Variants in WASL observed in about 807,000 individuals in gnomAD.
WASL encodes actin nucleation-promoting factor WASL.
WASL carries 20 observed loss-of-function variants against 55.5 expected under a neutral mutation model. The observed-to-expected ratio is 0.36, with a 90% CI of 0.25 to 0.52. WASL has a LOEUF of 0.52. Ranked by LOEUF, WASL falls within the 20% of genes least tolerant of loss-of-function variation. WASL has a pLI of 0.92. For synonymous variants in WASL, 249 were observed against 217.6 expected, an observed-to-expected ratio of 1.14 and a Z score of -1.27; for missense variants, 504 against 622.5, an observed-to-expected ratio of 0.81 and a Z score of 2.03.
chr7:123,730,656 A>G (rs13224762), intron 1 of WASL, among the ~76,000 whole-genome samples: 65,858 of 152,024 alleles, frequency 0.43, 14,807 homozygotes, highest in South Asian at 0.66. Flanking sequence ...AAGGACAACA[A>G]AAACAGTTAC....
chr7:123,703,317 T>C (rs1002781076), intron 5 of WASL, among the ~76,000 whole-genome samples: 1 of 152,182 alleles, frequency 6.6e-6, no homozygotes, highest in Admixed American at 6.5e-5. Context: ...CTATCTGTGC[T>C]TCGGTTTCCT....
rs577751048 is a variant in WASL at position 123,721,872 on chromosome 7, T to C, written c.118-12649A>G. On this transcript the variant is annotated intron_variant, in intron 1 of 10. Coordinates refer to ENST00000223023, the MANE Select transcript of WASL (RefSeq NM_003941.4). ...AGACAGAGGCTGCAGTGAGCTGCGA[T>C]TGAGATTTAATAAATGTTCTCTATT... 1.0e-4 allele frequency among the ~76,000 whole-genome samples: 13 copies of C among 125,712 alleles called. No individual in the cohort carries two copies. In the South Asian group the frequency reaches 1.1e-3, roughly 10 times the overall value. The allele number at this position is 125,712 out of a possible 152,430, so 82.5% of individuals were successfully genotyped here. A position where few individuals can be genotyped will look rare whatever the true frequency, so the allele number is the denominator to read the frequency against.
At chr7:123,711,665 C>T (rs1175410246) in intron 1 of WASL, among the ~76,000 whole-genome samples, 1 of 151,942 alleles carries the variant, frequency 6.6e-6, no homozygotes, top group Non-Finnish European at 1.5e-5. Context: ...GTCACTAATC[C>T]CCACACTCTA....
intron 1 of WASL, among the ~76,000 whole-genome samples, chr7:123,731,189 T>C (rs1804130635): frequency 6.6e-6 from 1 of 152,078 alleles, no homozygotes; most frequent in Non-Finnish European, 1.5e-5. Context: ...TACATATATA[T>C]ATGCACACAT....
Position 123,696,443 on chromosome 7 carries a change from T to C in WASL, c.629+136A>G, listed in dbSNP as rs180864443. 371 of 642,652 alleles carry C rather than the reference T, an allele frequency of 5.8e-4. No homozygotes were observed. In the African/African-American group the frequency reaches 6.6e-3, roughly 11 times the overall value. 39.8% of individuals were successfully genotyped at this position (642,652 alleles called of 1,614,324 possible). ...AAAAAAAAAACTCCAATAAAGTACA[T>C]AGTTAAAACGGTATCCAAGTGATGA... On this transcript the variant is annotated intron_variant, in intron 6 of 10. Transcript: ENST00000223023.
chr7:123,721,170 A>T (rs779056750), intron 1 of WASL, among the ~76,000 whole-genome samples: 1 of 152,218 alleles, frequency 6.6e-6, no homozygotes, highest in South Asian at 2.1e-4. Context: ...ACTCTTAAAC[A>T]TGATTAATAA....
intron 1 of WASL, among the ~76,000 whole-genome samples, chr7:123,726,917 C>G (rs1804053567): frequency 6.6e-6 from 1 of 152,016 alleles, no homozygotes; most frequent in South Asian, 2.1e-4. Context: ...GAGAAAATAT[C>G]TGAAGTACGT....
At chr7:123,712,173 T>C (rs1376554130) in intron 1 of WASL, among the ~76,000 whole-genome samples, 3 of 152,126 alleles carry the variant, frequency 2.0e-5, no homozygotes, top group Non-Finnish European at 4.4e-5. Context: ...TTTTTTCACA[T>C]TTCTGAAGTG....
At chr7:123,741,251 CATTT>C (rs1186215799) in intron 1 of WASL, among the ~76,000 whole-genome samples, 2 of 152,102 alleles carry the variant, frequency 1.3e-5, no homozygotes, top group African/African-American at 4.8e-5. Context: ...TTACAGCTCA[CATTT>C]ATTTCATTAA....
chr7:123,737,939 G>C (rs939257171), intron 1 of WASL, among the ~76,000 whole-genome samples: 1 of 152,074 alleles, frequency 6.6e-6, no homozygotes, highest in African/African-American at 2.4e-5. Flanking sequence ...CTACAGTATA[G>C]AATTATTATC....
chr7:123,709,227 C>A lies in WASL; in HGVS notation c.118-4G>T. ...GCACCACTGCTGAAGACATAGTCTG[C>A]AAAATATAAAATTTATAACCATTAG... is the stretch of plus-strand genomic sequence containing the variant. On this transcript the variant is annotated splice_polypyrimidine_tract_variant and splice_region_variant and intron_variant, in intron 1 of 10. Coordinates refer to ENST00000223023, the MANE Select transcript of WASL (RefSeq NM_003941.4). 1.3e-6 allele frequency: 2 copies of A among 1,597,994 alleles called. No homozygotes were observed. The highest frequency in any genetic ancestry group is 1.7e-6 in the Non-Finnish European group (2 of 1,172,554).
chr7:123,724,082 G>A (rs1333812422), intron 1 of WASL, among the ~76,000 whole-genome samples: 1 of 152,110 alleles, frequency 6.6e-6, no homozygotes, highest in Admixed American at 6.6e-5. Flanking sequence ...CTTCCCAAGA[G>A]GAGACACTGC....
chr7:123,744,912 AG>A (rs907712455), intron 1 of WASL, among the ~76,000 whole-genome samples: 1 of 152,214 alleles, frequency 6.6e-6, no homozygotes. Flanking sequence ...TTTATGTAAA[AG>A]TACATATCAT....
rs200970665 is a variant in WASL at position 123,692,700 on chromosome 7, C to T, written c.994G>A (p.Val332Ile). 26 of 1,521,582 alleles carry T rather than the reference C, an allele frequency of 1.7e-5. No individual in the cohort carries two copies. In the East Asian group the frequency reaches 5.7e-4, roughly 33 times the overall value. The allele number at this position is 1,521,582 out of a possible 1,614,324, so 94.3% of individuals were successfully genotyped here. A position where few individuals can be genotyped will look rare whatever the true frequency, so the allele number is the denominator to read the frequency against. The change falls in exon 9 of 11, where the codon GTA (valine) becomes ATA (isoleucine). Residue 332 changes from valine (V) to isoleucine (I), a missense_variant. By Grantham distance (29) the Val-to-Ile change is conservative. Around this residue, in one of 5 missense-constraint regions of WASL, gnomAD observed 201 missense variants for 206.2 expected, o/e 0.97. Coordinates refer to ENST00000223023, the MANE Select transcript of WASL (RefSeq NM_003941.4). ...PPPPPPSRPS[V>I]AVPPPPPNRM... ...TTTGGCGGTGGTGGAGGGACTGCTA[C>T]ACTTGGCCTGGAAGGAGGCGGTGGT...
rs934023962 is a variant in WASL, at chr7:123,748,963, C to T, written c.-229G>A. 25 of 554,714 alleles carry T rather than the reference C, an allele frequency of 4.5e-5. No individual in the cohort carries two copies. The highest frequency in any genetic ancestry group is 7.3e-5 in the Non-Finnish European group (23 of 315,060). The allele number at this position is 554,714 out of a possible 1,614,324, so 34.4% of individuals were successfully genotyped here. On this transcript the variant is annotated 5_prime_UTR_variant, in exon 1 of 11. Coordinates refer to ENST00000223023, the MANE Select transcript of WASL (RefSeq NM_003941.4). ...AGCTCCCGGCACCCGCCCGGCCAGG[C>T]TAGGGCCGGATGGTCGTTGTCCTCG...
At chr7:123,737,971 C>G (rs1164083770) in intron 1 of WASL, among the ~76,000 whole-genome samples, 1 of 152,080 alleles carries the variant, frequency 6.6e-6, no homozygotes, top group Non-Finnish European at 1.5e-5. Flanking sequence ...AAGTGCTCCT[C>G]CAAGTCACTA....
chr7:123,744,558 T>C (rs1202864912), intron 1 of WASL, among the ~76,000 whole-genome samples: 1 of 152,136 alleles, frequency 6.6e-6, no homozygotes, highest in Non-Finnish European at 1.5e-5. Context: ...TTAATAAAAA[T>C]GGCTTAAGTA....
At chr7:123,729,670 T>C (rs943925922) in intron 1 of WASL, among the ~76,000 whole-genome samples, 3 of 152,300 alleles carry the variant, frequency 2.0e-5, no homozygotes, top group Non-Finnish European at 2.9e-5. Flanking sequence ...CAGATACGTA[T>C]GTGGGTGTAC....
chr7:123,730,140 G>A (rs1025577069), intron 1 of WASL, among the ~76,000 whole-genome samples: 5 of 152,182 alleles, frequency 3.3e-5, no homozygotes, highest in East Asian at 1.9e-4. Context: ...AAACATTTTC[G>A]AAAGAGAAAT....
Sources: allele counts gnomAD v4.1 joint callset (sites outside exome capture counted in the v4.1 genomes callset), GRCh38; gene constraint gnomAD v4.1.1; regional missense constraint gnomAD v4.1.1; transcripts MANE v1.5; gene names NCBI Gene and HGNC (gene_info 2026-07-23, HGNC 2026-07-21).